Variants in LARGE1 observed in about 807,000 individuals in gnomAD.
The protein encoded by LARGE1 is xylosyl- and glucuronyltransferase LARGE1.
Under a neutral mutation model 87.6 loss-of-function variants are expected in LARGE1, and 43 were observed. The ratio of observed to expected loss-of-function variants is 0.49; its 90% CI spans 0.38 to 0.63. The LOEUF (loss-of-function observed/expected upper bound fraction) is 0.63, where lower values mean the gene tolerates loss of function less well. LARGE1 is among the 30% of genes least tolerant of loss of function. The pLI is 0.00. For missense variants in LARGE1, 802 were observed against 1,000.2 expected (o/e 0.80, Z 2.67); for synonymous variants, 434 against 394.6 (o/e 1.10, Z -1.18).
chr22:33,458,089 T>C (rs994862140), intron 6 of LARGE1, among the ~76,000 whole-genome samples: 3 of 152,140 alleles, frequency 2.0e-5, no homozygotes, highest in African/African-American at 7.2e-5. Flanking sequence ...TTAATAAATT[T>C]TAAAAATGTC....
At chr22:33,216,597 C>CAAAAA (rs71673655) in intron 11 of LARGE1, among the ~76,000 whole-genome samples, 4 of 122,556 alleles carry the variant, frequency 3.3e-5, no homozygotes, top group Admixed American at 1.8e-4. Flanking sequence ...CACTCCATCT[C>CAAAAA]AAAAAAAAAA....
chr22:33,307,535 C>A (rs529622792), intron 11 of LARGE1, among the ~76,000 whole-genome samples: 1 of 152,340 alleles, frequency 6.6e-6, no homozygotes, highest in African/African-American at 2.4e-5. Context: ...GTTCCACAAT[C>A]CCCTCGGCCC....
At chr22:33,544,414 C>T (rs911309389) in intron 6 of LARGE1, among the ~76,000 whole-genome samples, 12 of 152,098 alleles carry the variant, frequency 7.9e-5, no homozygotes, top group African/African-American at 2.2e-4. Flanking sequence ...CTACCAGGTG[C>T]GGTGGCTCAC....
At chr22:33,793,080 C>A (rs1052678008) in intron 1 of LARGE1, among the ~76,000 whole-genome samples, 1 of 152,166 alleles carries the variant, frequency 6.6e-6, no homozygotes, top group Non-Finnish European at 1.5e-5. Flanking sequence ...GCGAGCAGTG[C>A]CATGAAGATT....
chr22:33,876,853 A>G (rs2064484304), intron 1 of LARGE1, among the ~76,000 whole-genome samples: 1 of 151,654 alleles, frequency 6.6e-6, no homozygotes, highest in Admixed American at 6.6e-5. Context: ...TAAAATAAAA[A>G]TGTACTGGAA....
At chr22:33,346,909 G>A (rs940729309) in intron 9 of LARGE1, among the ~76,000 whole-genome samples, 7 of 152,094 alleles carry the variant, frequency 4.6e-5, no homozygotes, top group East Asian at 1.9e-4. Context: ...GGAAGCATTC[G>A]ATTTCCTAAT....
At chr22:33,349,040 C>T (rs1940099525) in intron 9 of LARGE1, among the ~76,000 whole-genome samples, 1 of 152,138 alleles carries the variant, frequency 6.6e-6, no homozygotes, top group Non-Finnish European at 1.5e-5. Flanking sequence ...GATTGTGAGG[C>T]CTCCACCTAG....
intron 11 of LARGE1, among the ~76,000 whole-genome samples, chr22:33,308,134 C>T (rs894019216): frequency 6.6e-6 from 1 of 152,108 alleles, no homozygotes; most frequent in African/African-American, 2.4e-5. Context: ...AGCTGGAAGC[C>T]TCACGCAGTC....
chr22:33,564,199 G>A (rs757927269), intron 6 of LARGE1, among the ~76,000 whole-genome samples: 50 of 152,116 alleles, frequency 3.3e-4, no homozygotes, highest in Admixed American at 8.5e-4. Flanking sequence ...TCTGGGAGAG[G>A]GGTATTAAAA....
chr22:33,096,127 A>G, the LARGE1 span, among the ~76,000 whole-genome samples: 2 of 152,144 alleles, frequency 1.3e-5, no homozygotes, highest in East Asian at 3.9e-4. Context: ...AAAGGAGATA[A>G]TACCCAGGCC....
chr22:33,845,525 C>G (rs533467530), intron 1 of LARGE1, among the ~76,000 whole-genome samples: 2 of 152,000 alleles, frequency 1.3e-5, no homozygotes, highest in African/African-American at 4.8e-5. Context: ...TCAGGCTGGT[C>G]TCGAACTCCT....
At chr22:33,105,430 G>A in the LARGE1 span, 5 of 152,032 alleles carry the variant, frequency 3.3e-5, 1 homozygote, top group Admixed American at 2.0e-4. Flanking sequence ...TTCTTACAGC[G>A]GGGCCCACCC....
intron 1 of LARGE1, among the ~76,000 whole-genome samples, chr22:33,876,926 A>C (rs5754736): frequency 1 from 151,998 of 151,998 alleles, 75,999 homozygotes; most frequent in Non-Finnish European, 1. Context: ...CGGCTCAGGG[A>C]AAGAACTCCA....
chr22:33,730,251 A>C (rs924030855), intron 2 of LARGE1, among the ~76,000 whole-genome samples: 1 of 152,208 alleles, frequency 6.6e-6, no homozygotes, highest in Admixed American at 6.5e-5. Context: ...TCTTAATAAC[A>C]ATTTCTCCTC....
At chr22:33,875,006 C>A (rs1235478295) in intron 1 of LARGE1, among the ~76,000 whole-genome samples, 5 of 152,170 alleles carry the variant, frequency 3.3e-5, no homozygotes, top group Non-Finnish European at 1.5e-5. Context: ...AGGATTCACC[C>A]CAGGCAGTCT....
intron 1 of LARGE1, among the ~76,000 whole-genome samples, chr22:33,896,175 G>A (rs2065140573): frequency 6.6e-6 from 1 of 152,140 alleles, no homozygotes; most frequent in Non-Finnish European, 1.5e-5. Flanking sequence ...TACATAGGTG[G>A]AATGATAAAT....
At chr22:33,292,329 T>C (rs1050241983) in intron 12 of LARGE1, among the ~76,000 whole-genome samples, 5 of 151,588 alleles carry the variant, frequency 3.3e-5, no homozygotes, top group African/African-American at 1.2e-4. Context: ...AAAACAAAAT[T>C]AGAAAAATAA....
intron 1 of LARGE1, among the ~76,000 whole-genome samples, chr22:33,912,069 G>T (rs369398869): frequency 1.3e-5 from 2 of 152,142 alleles, no homozygotes; most frequent in African/African-American, 4.8e-5. Context: ...AAGCCCCACC[G>T]GCCTATGGGC....
chr22:33,283,522 T>C (rs1005290403), intron 12 of LARGE1, among the ~76,000 whole-genome samples, 174 bp from the exon 13 acceptor site: 6 of 152,112 alleles, frequency 3.9e-5, no homozygotes, highest in Non-Finnish European at 7.4e-5. Context: ...ACGTCTGTAA[T>C]CCCAGCCTTT....
Sources: gnomAD v4.1 joint callset for allele counts (sites outside exome capture counted in the v4.1 genomes callset) on GRCh38, gnomAD v4.1.1 for gene constraint, MANE v1.5 for transcripts, NCBI Gene and HGNC (gene_info 2026-07-23, HGNC 2026-07-21) for gene names.